PTPRN2: variants seen among roughly 807,000 people sequenced by gnomAD.
PTPRN2 encodes the protein protein tyrosine phosphatase receptor type N2.
A neutral mutation model predicts 118.8 loss-of-function variants in PTPRN2; 74 were observed. That is an observed-to-expected ratio of 0.62 (90% confidence interval 0.52 to 0.76). PTPRN2 has a LOEUF of 0.76. PTPRN2 is among the 30% of genes least tolerant of loss of function. PTPRN2 has a pLI of 0.00. For synonymous variants in PTPRN2, 641 were observed against 608.0 expected, an observed-to-expected ratio of 1.05 and a Z score of -0.80; for missense variants, 1,481 against 1,394.4, an observed-to-expected ratio of 1.06 and a Z score of -0.99.
chr7:157,757,097 A>C (rs1238695879), intron 12 of PTPRN2, among the ~76,000 whole-genome samples: 2 of 151,998 alleles, frequency 1.3e-5, no homozygotes, highest in South Asian at 2.1e-4. Flanking sequence ...TCACAAGATA[A>C]AAGTTTTTTT....
intron 2 of PTPRN2, among the ~76,000 whole-genome samples, chr7:158,330,031 G>T (rs914289864): frequency 1.6e-5 from 2 of 123,290 alleles, no homozygotes; most frequent in African/African-American, 3.0e-5. Context: ...ACCATAAGAG[G>T]TGACATCTGC....
At chr7:157,670,618 C>A (rs890977990) in intron 13 of PTPRN2, among the ~76,000 whole-genome samples, 1 of 152,182 alleles carries the variant, frequency 6.6e-6, no homozygotes, top group African/African-American at 2.4e-5. Context: ...CGCAGCAAAG[C>A]CCCTCCAGCC....
In PTPRN2 at chr7:157,910,704, A is replaced by ATG. The variant is rs1563231556; in HGVS notation, c.1724-11968_1724-11967insCA. Among the ~76,000 whole-genome samples, 114 of 85,622 alleles carry ATG rather than the reference A, an allele frequency of 1.3e-3. 1 individual carries two copies. The highest frequency in any genetic ancestry group is 5.9e-3 in the African/African-American group (111 of 18,786). The allele number at this position is 85,622 out of a possible 152,430, so 56.2% of individuals were successfully genotyped here. A position where few individuals can be genotyped will look rare whatever the true frequency, so the allele number is the denominator to read the frequency against. On this transcript the variant is annotated intron_variant, in intron 11 of 22. Transcript: ENST00000389418. ...CCAGAAAGATGCCATGCGGCAGGGC[A>ATG]CGTGTGTGTGTGTGTGTGTGCGAGC...
intron 2 of PTPRN2, among the ~76,000 whole-genome samples, chr7:158,432,086 G>A (rs1816251597): frequency 6.6e-6 from 1 of 152,216 alleles, no homozygotes; most frequent in Admixed American, 6.5e-5. Flanking sequence ...CCAGGACCAC[G>A]GAACATTCTG....
At chr7:158,131,638 TACAC>T (rs1818310594) in intron 9 of PTPRN2, among the ~76,000 whole-genome samples, 1 of 135,640 alleles carries the variant, frequency 7.4e-6, no homozygotes, top group Non-Finnish European at 1.6e-5. Context: ...TACACACTCA[TACAC>T]ACATGCACAT....
At chr7:157,995,067 CT>C (rs71189755) in intron 11 of PTPRN2, among the ~76,000 whole-genome samples, 24,275 of 24,344 alleles carry the variant, frequency 1, 12,108 homozygotes, top group Middle Eastern at 1. Context: ...CTTACAGCTC[CT>C]TTGTTCCTAA....
At chr7:158,445,211 G>A (rs1817640922) in intron 2 of PTPRN2, among the ~76,000 whole-genome samples, 1 of 152,190 alleles carries the variant, frequency 6.6e-6, no homozygotes, top group Non-Finnish European at 1.5e-5. Context: ...CCCCGAGGCT[G>A]GCCAGCCCTT....
At chr7:157,608,720 T>G (rs1802152575) in intron 15 of PTPRN2, among the ~76,000 whole-genome samples, 1 of 152,110 alleles carries the variant, frequency 6.6e-6, no homozygotes, top group Non-Finnish European at 1.5e-5. Flanking sequence ...AACCCCAGGC[T>G]GGAGATGAAG....
chr7:157,549,123 T>C, intron 21 of PTPRN2, 104 bp from the exon 22 acceptor site: 1 of 1,124,956 alleles, frequency 8.9e-7, no homozygotes, highest in Non-Finnish European at 1.4e-6. Context: ...AGAGGCCAAT[T>C]GAAAATTATT....
At chr7:158,219,821 C>G (rs1160313727) in intron 3 of PTPRN2, among the ~76,000 whole-genome samples, 2 of 151,210 alleles carry the variant, frequency 1.3e-5, no homozygotes, top group Non-Finnish European at 3.0e-5. Flanking sequence ...AATATTGAAC[C>G]AGGAAGAAAT....
At position 158,361,214 on chromosome 7, in the gene PTPRN2, CCCCGCG is replaced by C. The variant is rs1279519124; in HGVS notation, c.164-44288_164-44283del. On this transcript the variant is annotated intron_variant, in intron 2 of 22. Transcript: ENST00000389418. Reference sequence around the variant, plus strand: ...ACCCCACACCCTGGCAACCCACAGACCCCGCGTCCACCCTCACCTGGGGTGACCCAC... The same window carrying C: ...ACCCCACACCCTGGCAACCCACAGACTCCACCCTCACCTGGGGTGACCCAC... Among the ~76,000 whole-genome samples, 93 of 9,878 alleles carry C rather than the reference CCCCGCG, an allele frequency of 9.4e-3. 31 individuals carry two copies. The highest frequency in any genetic ancestry group is 0.04 in the African/African-American group (29 of 718). The allele number at this position is 9,878 out of a possible 152,430, so 6.5% of individuals were successfully genotyped here.
intron 12 of PTPRN2, among the ~76,000 whole-genome samples, chr7:157,684,380 G>C (rs1051618628): frequency 4.7e-5 from 7 of 149,386 alleles, no homozygotes; most frequent in Non-Finnish European, 3.0e-5. Flanking sequence ...GGAAGGAAAG[G>C]GGGAGGGAGA....
intron 10 of PTPRN2, among the ~76,000 whole-genome samples, chr7:158,082,538 C>T (rs866985246): frequency 3.9e-5 from 6 of 152,234 alleles, no homozygotes; most frequent in Non-Finnish European, 8.8e-5. Context: ...AATTACCATC[C>T]TAACACCATG....
chr7:157,846,652 CCT>C (rs1808825572), intron 12 of PTPRN2, among the ~76,000 whole-genome samples: 1 of 152,202 alleles, frequency 6.6e-6, no homozygotes, highest in Admixed American at 6.5e-5. Context: ...TTTACAGAGA[CCT>C]CTCTCGCTCC....
At chr7:158,324,214 C>T (rs1042029031) in intron 2 of PTPRN2, among the ~76,000 whole-genome samples, 17 of 152,312 alleles carry the variant, frequency 1.1e-4, no homozygotes, top group African/African-American at 4.1e-4. Context: ...GGACCACCCT[C>T]TCCCCGGTGA....
chr7:157,669,853 G>A (rs561316617), intron 13 of PTPRN2, among the ~76,000 whole-genome samples: 1 of 152,084 alleles, frequency 6.6e-6, no homozygotes, highest in African/African-American at 2.4e-5. Context: ...ACAACCTCGA[G>A]GCCGGGCTCC....
chr7:158,340,542 C>T lies in PTPRN2; in HGVS notation c.164-23610G>A, dbSNP rs1327684022. ...ACATTCTCACCATAAGAGCTGTCGC[C>T]CGCAGAGGTCACTCACACCCACAAT... On this transcript the variant is annotated intron_variant, in intron 2 of 22. Transcript: ENST00000389418. 2.4e-5 allele frequency among the ~76,000 whole-genome samples: 3 copies of T among 126,956 alleles called. No individual in the cohort carries two copies. The Admixed American group carries it at 2.4e-4, about 10-fold the overall frequency. 83.3% of individuals were successfully genotyped at this position (126,956 alleles called of 152,430 possible).
chr7:158,551,318 T>G (rs1048639809), intron 1 of PTPRN2, among the ~76,000 whole-genome samples: 2 of 152,186 alleles, frequency 1.3e-5, no homozygotes, highest in Admixed American at 1.3e-4. Flanking sequence ...CCAACCCTAA[T>G]CACCTCTGGA....
chr7:158,279,392 C>G (rs1799258948), intron 3 of PTPRN2, among the ~76,000 whole-genome samples: 1 of 152,222 alleles, frequency 6.6e-6, no homozygotes, highest in African/African-American at 2.4e-5. Flanking sequence ...CTCCCAGCAG[C>G]CCAGCCAGCT....
Sources: gnomAD v4.1 joint callset for allele counts (sites outside exome capture counted in the v4.1 genomes callset) on GRCh38, gnomAD v4.1.1 for gene constraint, MANE v1.5 for transcripts, NCBI Gene and HGNC (gene_info 2026-07-23, HGNC 2026-07-21) for gene names.